Variants in ZFYVE28 observed in about 807,000 individuals in gnomAD.
ZFYVE28 encodes zinc finger FYVE-type containing 28.
ZFYVE28 carries 40 observed loss-of-function variants against 82.1 expected under a neutral mutation model. The ratio of observed to expected loss-of-function variants is 0.49; its 90% CI spans 0.38 to 0.63. ZFYVE28 has a LOEUF of 0.63. Ranked by LOEUF, ZFYVE28 falls within the 30% of genes least tolerant of loss-of-function variation. ZFYVE28 has a pLI of 0.00. For missense variants in ZFYVE28, 1,321 were observed against 1,242.1 expected, an observed-to-expected ratio of 1.06 and a Z score of -0.96; for synonymous variants, 612 against 546.1, an observed-to-expected ratio of 1.12 and a Z score of -1.68.
chr4:2,399,309 C>T (rs2108933676), intron 1 of ZFYVE28, among the ~76,000 whole-genome samples: 2 of 152,272 alleles, frequency 1.3e-5, no homozygotes, highest in East Asian at 1.9e-4. Context: ...ACAGCCTGTC[C>T]GTCTGTCCAG....
In ZFYVE28 at chr4:2,270,356, C is replaced by CA. The variant is rs1553810194; in HGVS notation, c.*368_*369insT. 5.4e-5 allele frequency: 14 copies of CA among 261,252 alleles called. No homozygotes were observed. The highest frequency in any genetic ancestry group is 3.7e-4 in the South Asian group (8 of 21,388). The allele number at this position is 261,252 out of a possible 1,614,324, so 16.2% of individuals were successfully genotyped here. A position where few individuals can be genotyped will look rare whatever the true frequency, so the allele number is the denominator to read the frequency against. On this transcript the variant is annotated 3_prime_UTR_variant, in exon 13 of 13. Coordinates refer to ENST00000290974, the MANE Select transcript of ZFYVE28 (RefSeq NM_020972.3). ...TCCAGATTCACCGCAACAGCAGAGG[C>CA]GCAGAGTGGCCCCACTCTTGTCCAC... is the stretch of plus-strand genomic sequence containing the variant.
intron 6 of ZFYVE28, among the ~76,000 whole-genome samples, chr4:2,322,392 G>A (rs567124760): frequency 2.0e-5 from 3 of 152,060 alleles, no homozygotes; most frequent in South Asian, 2.1e-4. Flanking sequence ...CCAGGCCTGC[G>A]TCCATGCTGC....
In ZFYVE28 at chr4:2,271,371, C is replaced by T. The variant is rs141229182; in HGVS notation, c.2472G>A (p.Thr824=). The T allele has an allele frequency of 4.5e-5, 72 of 1,612,486 alleles. No individual in the cohort carries two copies. The East Asian group carries it at 8.0e-4, about 18-fold the overall frequency. Residue 824 remains threonine, a synonymous_variant, in exon 12 of 13, where the codon ACG becomes ACA. Transcript: ENST00000290974. Reference sequence around the variant, plus strand: ...TGACGGTGAAGGGTGCTTTGCACGCCGTGCAGAAGCCACAGGCCTCGTCTG... The same window carrying T: ...TGACGGTGAAGGGTGCTTTGCACGCTGTGCAGAAGCCACAGGCCTCGTCTG... ...WVPDEACGFC[T]ACKAPFTVIR... is the part of the protein sequence containing the mutation.
chr4:2,308,111 A>G (rs1225637247), intron 7 of ZFYVE28, among the ~76,000 whole-genome samples: 2 of 151,704 alleles, frequency 1.3e-5, no homozygotes, highest in Non-Finnish European at 2.9e-5. Flanking sequence ...GATGTCTCCA[A>G]TTTTCTTCTT....
intron 8 of ZFYVE28, among the ~76,000 whole-genome samples, chr4:2,274,837 C>T (rs1736255776): frequency 7.1e-6 from 1 of 140,750 alleles, no homozygotes; most frequent in East Asian, 1.9e-4. Context: ...GACGCGGCCC[C>T]AACCCAAGGA....
intron 1 of ZFYVE28, among the ~76,000 whole-genome samples, chr4:2,397,161 C>A (rs778802768): frequency 1.3e-5 from 2 of 152,148 alleles, no homozygotes; most frequent in Admixed American, 1.3e-4. Context: ...TATGAGTGTA[C>A]AACTCAGCGG....
Position 2,270,682 on chromosome 4 carries a change from G to A in ZFYVE28, c.*43C>T, listed in dbSNP as rs775308026. ...CTGCAGCGTGGCCCCACCTTCCTGG[G>A]GGTTCCTGGCCCGGGTGGGTTGGGG... On this transcript the variant is annotated 3_prime_UTR_variant, in exon 13 of 13. Coordinates refer to ENST00000290974, the MANE Select transcript of ZFYVE28 (RefSeq NM_020972.3). The A allele has an allele frequency of 3.1e-6, 5 of 1,610,840 alleles. No individual in the cohort carries two copies. The highest frequency in any genetic ancestry group is 1.7e-4 in the Middle Eastern group (1 of 6,060).
chr4:2,338,098 G>A (rs912747939), intron 4 of ZFYVE28, among the ~76,000 whole-genome samples: 1 of 152,224 alleles, frequency 6.6e-6, no homozygotes, highest in African/African-American at 2.4e-5. Flanking sequence ...TAAGGGGCGA[G>A]AGAGAAACGA....
In ZFYVE28 at chr4:2,417,003, G is replaced by C. The variant is rs1431791816; in HGVS notation, c.39+1282C>G. ...ACCCACCTCCCGCCTTCCTGGAATG[G>C]GCGCACGCGAGGCACGGATTTCAGG... is the stretch of plus-strand genomic sequence containing the variant. On this transcript the variant is annotated intron_variant, in intron 1 of 12. Coordinates refer to ENST00000290974, the MANE Select transcript of ZFYVE28 (RefSeq NM_020972.3). The surrounding 1 kb of genome is among the most constrained non-coding windows in gnomAD (Gnocchi z 4.8). Among the ~76,000 whole-genome samples, 4 of 152,252 alleles carry C rather than the reference G, an allele frequency of 2.6e-5. No individual in the cohort carries two copies. The highest frequency in any genetic ancestry group is 9.6e-5 in the African/African-American group (4 of 41,470).
intron 8 of ZFYVE28, among the ~76,000 whole-genome samples, chr4:2,297,430 A>T (rs1269701120): frequency 6.6e-6 from 1 of 152,184 alleles, no homozygotes; most frequent in African/African-American, 2.4e-5. Context: ...CACACGGAGG[A>T]GTCGCCAGGT....
chr4:2,382,370 G>A (rs180948961), intron 1 of ZFYVE28, among the ~76,000 whole-genome samples: 2,297 of 152,344 alleles, frequency 0.015, 21 homozygotes, highest in Middle Eastern at 0.031. Context: ...GCCTGTGAAA[G>A]CAGCTGGGAG....
intron 1 of ZFYVE28, among the ~76,000 whole-genome samples, chr4:2,414,355 A>G (rs1418138411): frequency 2.0e-5 from 3 of 152,282 alleles, no homozygotes; most frequent in Non-Finnish European, 4.4e-5. Context: ...ACACACACCC[A>G]GCAAGTCACT....
At chr4:2,353,898 C>T (rs368442050) in intron 2 of ZFYVE28, 35 bp downstream of exon 2, 401 of 1,459,180 alleles carry the variant, frequency 2.7e-4, no homozygotes, top group Non-Finnish European at 3.5e-4. Context: ...CAATGCCCAG[C>T]GGGGCCAGCC....
At chr4:2,411,800 C>T (rs528334846) in intron 1 of ZFYVE28, among the ~76,000 whole-genome samples, 3 of 152,340 alleles carry the variant, frequency 2.0e-5, no homozygotes, top group South Asian at 4.1e-4. Context: ...CATCACAGTG[C>T]AGCACAAGTG....
chr4:2,289,222 C>T (rs925045079), intron 8 of ZFYVE28, among the ~76,000 whole-genome samples: 5 of 152,178 alleles, frequency 3.3e-5, no homozygotes, highest in African/African-American at 1.2e-4. Flanking sequence ...GCAGAGGTTA[C>T]AGCGAGCCAA....
At chr4:2,374,516 G>A (rs1223883365) in intron 1 of ZFYVE28, among the ~76,000 whole-genome samples, 2 of 152,196 alleles carry the variant, frequency 1.3e-5, no homozygotes, top group East Asian at 3.9e-4. Context: ...GGGAGGCTGA[G>A]GTGGGAGGAT....
rs547010496 is a variant in ZFYVE28, at chr4:2,386,633, G to A, written c.39+31652C>T. ...TCTCTCTCCTAAGCCCCCTAGCCACGTGATGCCCTGGGACGCCTGGGGTCT... is the reference window on the plus strand; with the variant it reads ...TCTCTCTCCTAAGCCCCCTAGCCACATGATGCCCTGGGACGCCTGGGGTCT... On this transcript the variant is annotated intron_variant, in intron 1 of 12. Coordinates refer to ENST00000290974, the MANE Select transcript of ZFYVE28 (RefSeq NM_020972.3). Among the ~76,000 whole-genome samples, 82 of 152,306 alleles carry A rather than the reference G, an allele frequency of 5.4e-4. 1 individual carries two copies. The highest frequency in any genetic ancestry group is 4.6e-3 in the Admixed American group (70 of 15,298).
At chr4:2,374,623 AAAGAAG>A (rs544275078) in intron 1 of ZFYVE28, among the ~76,000 whole-genome samples, 1,679 of 151,846 alleles carry the variant, frequency 0.011, 13 homozygotes, top group Non-Finnish European at 0.017. Flanking sequence ...CAAAAGAAGA[AAAGAAG>A]AAGAAGGAGA....
intron 1 of ZFYVE28, among the ~76,000 whole-genome samples, chr4:2,370,362 C>G (rs998343910): frequency 6.6e-6 from 1 of 152,138 alleles, no homozygotes; most frequent in Admixed American, 6.5e-5. Context: ...GGCCTGAGCC[C>G]CCTGGACACA....
Sources: allele counts gnomAD v4.1 joint callset (sites outside exome capture counted in the v4.1 genomes callset), GRCh38; gene constraint gnomAD v4.1.1; non-coding constraint Gnocchi (gnomAD v3.1); transcripts MANE v1.5; gene names NCBI Gene and HGNC (gene_info 2026-07-23, HGNC 2026-07-21).